DMD: variants seen among roughly 807,000 people sequenced by gnomAD.
DMD encodes dystrophin, also known as mutant dystrophin.
A neutral mutation model predicts 330.1 loss-of-function variants in DMD; 63 were observed. The observed-to-expected ratio is 0.19, with a 90% CI of 0.16 to 0.24. The LOEUF (loss-of-function observed/expected upper bound fraction) is 0.24. Among genes scored for constraint, DMD ranks in the 10% least tolerant of loss-of-function variants. The pLI is 1.00. For synonymous variants in DMD, 1,223 were observed against 959.8 expected, an observed-to-expected ratio of 1.27 and a Z score of -5.07; for missense variants, 3,344 against 2,684.1, an observed-to-expected ratio of 1.25 and a Z score of -5.43.
At chrX:32,480,457 T>A (rs2041748367) in intron 21 of DMD, among the ~76,000 whole-genome samples, 1 of 104,855 alleles carries the variant, frequency 9.5e-6, no homozygotes, top group Admixed American at 9.8e-5. Context: ...ATACACAGTA[T>A]GTGTCTACGT....
intron 41 of DMD, among the ~76,000 whole-genome samples, chrX:32,333,557 G>T (rs1294383002): frequency 1.8e-5 from 2 of 110,852 alleles, no homozygotes; most frequent in Non-Finnish European, 3.8e-5. Context: ...TCATAGTGAT[G>T]ATCTATACTT....
chrX:32,390,229 C>CT (rs1318717025), intron 30 of DMD, 48 bp from the exon 31 acceptor site: 2 of 971,599 alleles, frequency 2.1e-6, no homozygotes, highest in African/African-American at 3.8e-5. Flanking sequence ...CAAAGAACAA[C>CT]TAACTTTCCA....
At chrX:32,938,765 A>T (rs1236275861) in intron 2 of DMD, among the ~76,000 whole-genome samples, 1 of 111,633 alleles carries the variant, frequency 9.0e-6, no homozygotes, top group Non-Finnish European at 1.9e-5. Context: ...TATGTAGAAT[A>T]TAGATTCTCA....
chrX:31,809,769 T>C (rs927090332), intron 50 of DMD, among the ~76,000 whole-genome samples: 2 of 110,680 alleles, frequency 1.8e-5, no homozygotes, highest in South Asian at 3.8e-4. Context: ...ATCAATGCCA[T>C]AGAATATCCC....
chrX:32,053,192 T>A, intron 44 of DMD, among the ~76,000 whole-genome samples: 1 of 111,763 alleles, frequency 8.9e-6, no homozygotes, highest in Middle Eastern at 4.6e-3. Context: ...TAGTGGTCAA[T>A]GAATCTAAGA....
chrX:32,848,202 T>A (rs1323160647), intron 3 of DMD, among the ~76,000 whole-genome samples: 1 of 111,896 alleles, frequency 8.9e-6, no homozygotes, highest in African/African-American at 3.3e-5. Context: ...TAAGCCATAA[T>A]CTTTGAAAGA....
intron 60 of DMD, among the ~76,000 whole-genome samples, chrX:31,421,598 A>G (rs2063363817): frequency 9.0e-6 from 1 of 111,109 alleles, no homozygotes; most frequent in African/African-American, 3.3e-5. Context: ...TGCTATTGCA[A>G]AATGGAAAAT....
intron 44 of DMD, among the ~76,000 whole-genome samples, chrX:32,043,531 G>C (rs897286082): frequency 7.1e-5 from 8 of 112,152 alleles, no homozygotes; most frequent in Non-Finnish European, 1.5e-4. Context: ...TTGAGTTAAA[G>C]CATAATAGTT....
chrX:32,878,100 G>A (rs1223136264), intron 2 of DMD, among the ~76,000 whole-genome samples: 3 of 112,465 alleles, frequency 2.7e-5, no homozygotes, highest in Non-Finnish European at 3.8e-5. Flanking sequence ...AATGGGCCGG[G>A]CGCGGTGGCT....
intron 1 of DMD, chrX:33,128,038 G>A (rs749638278): frequency 8.6e-7 from 1 of 1,160,703 alleles, no homozygotes; most frequent in African/African-American, 1.8e-5. Context: ...TATCCCAGGG[G>A]TTGCAAATTG....
chrX:33,212,077 G>T (rs2051940761), upstream of DMD, among the ~76,000 whole-genome samples: 1 of 112,418 alleles, frequency 8.9e-6, no homozygotes, highest in African/African-American at 3.2e-5. Flanking sequence ...GCAGCAGAAT[G>T]CAGCAGCTGA....
chrX:31,490,630 T>C (rs1395647918), intron 57 of DMD, among the ~76,000 whole-genome samples: 1 of 111,908 alleles, frequency 8.9e-6, no homozygotes, highest in Non-Finnish European at 1.9e-5. Flanking sequence ...TTTTGGTTGT[T>C]TTTCAGAGGT....
intron 48 of DMD, among the ~76,000 whole-genome samples, chrX:31,847,443 T>A (rs946946130): frequency 1.8e-5 from 2 of 111,710 alleles, no homozygotes; most frequent in Non-Finnish European, 3.8e-5. Context: ...CAGGTTGAAT[T>A]TATTAGTTCA....
chrX:32,879,731 G>A lies in DMD; in HGVS notation c.94-29911C>T, dbSNP rs1404185204. The stretch of plus-strand genomic sequence containing the variant: ...TTCAACAGGCTGGGTGAGTGGTATG[G>A]TACCATAAAAAGGATGATCAGCTGG... On this transcript the variant is annotated intron_variant, in intron 2 of 78. Transcript: ENST00000357033. Among the ~76,000 whole-genome samples, 2 of 111,392 alleles carry A rather than the reference G, an allele frequency of 1.8e-5. 1 individual carries two copies. Among genetic ancestry groups the A allele is most frequent in the East Asian group, 5.7e-4 (2 of 3,533 alleles).
intron 44 of DMD, among the ~76,000 whole-genome samples, chrX:32,066,473 T>C (rs1288115579): frequency 9.0e-6 from 1 of 111,357 alleles, no homozygotes; most frequent in Non-Finnish European, 1.9e-5. Flanking sequence ...TTCTGTTACC[T>C]GACTACCCAT....
chrX:31,907,913 C>G (rs954684425), intron 47 of DMD, among the ~76,000 whole-genome samples: 22 of 112,648 alleles, frequency 2.0e-4, no homozygotes, highest in Non-Finnish European at 1.9e-4. Context: ...AGGATAGGAA[C>G]AGACACTTCT....
intron 1 of DMD, among the ~76,000 whole-genome samples, chrX:33,308,960 A>G (rs573751277): frequency 1.8e-5 from 2 of 111,707 alleles, no homozygotes; most frequent in African/African-American, 6.5e-5. Context: ...TAAACATTTT[A>G]TAGACAAAAG....
intron 2 of DMD, among the ~76,000 whole-genome samples, chrX:33,013,860 T>C (rs772127435): frequency 7.3e-4 from 82 of 112,001 alleles, no homozygotes; most frequent in Non-Finnish European, 1.4e-3. Context: ...TGTGTGTTTG[T>C]GTGTACGTGT....
At chrX:33,015,118 A>C (rs1393811972) in intron 2 of DMD, among the ~76,000 whole-genome samples, 1 of 111,623 alleles carries the variant, frequency 9.0e-6, no homozygotes, top group Non-Finnish European at 1.9e-5. Context: ...GATTCCTCAA[A>C]GAGCTAAAAA....
Sources: gnomAD v4.1 joint callset for allele counts (sites outside exome capture counted in the v4.1 genomes callset) on GRCh38, gnomAD v4.1.1 for gene constraint, MANE v1.5 for transcripts, NCBI Gene and HGNC (gene_info 2026-07-23, HGNC 2026-07-21) for gene names.